The following KRT72 variants were observed in gnomAD, a reference collection of about 807,000 sequenced individuals.
KRT72 encodes the protein keratin 72, also known as keratin, type II cytoskeletal 72.
Under a neutral mutation model 44.7 loss-of-function variants are expected in KRT72, and 44 were observed. The ratio of observed to expected loss-of-function variants is 0.98; its 90% confidence interval spans 0.77 to 1.27. The LOEUF (loss-of-function observed/expected upper bound fraction) is 1.27, where lower values mean the gene tolerates loss of function less well. KRT72 is among the 50% of genes most tolerant of loss of function. The pLI is 0.00. For synonymous variants in KRT72, 302 were observed against 280.4 expected, an observed-to-expected ratio of 1.08 and a Z score of -0.77; for missense variants, 736 against 667.1, an observed-to-expected ratio of 1.10 and a Z score of -1.14.
At position 52,601,074 on chromosome 12, in the gene KRT72, C is replaced by T. The variant is rs147647260; in HGVS notation, c.379G>A (p.Glu127Lys). 2,144 of 1,612,568 alleles carry T rather than the reference C, an allele frequency of 1.3e-3. 2 individuals carry two copies. Among genetic ancestry groups the T allele is most frequent in the Non-Finnish European group, 1.6e-3 (1,854 of 1,179,538 alleles). ...EIQRVRAQER[E>K]QIKALNNKFA... is the part of the protein sequence containing the mutation. ...TTGTTGTTTAGCGCCTTGATCTGCT[C>T]CCGCTCCTGGGCGCGCACCCTCTGG... The change falls in exon 1 of 9, where the codon GAG becomes AAG. Residue 127 changes from glutamate (E) to lysine (K), a missense_variant. Glu to Lys is a moderately conservative substitution (Grantham distance 56). Transcript: ENST00000293745.
intron 2 of KRT72, among the ~76,000 whole-genome samples, chr12:52,596,297 G>A (rs545869814): frequency 1.3e-5 from 2 of 152,088 alleles, no homozygotes; most frequent in Admixed American, 1.3e-4. Flanking sequence ...ACCTAAGAAT[G>A]GAAAACACAC....
intron 6 of KRT72, among the ~76,000 whole-genome samples, chr12:52,588,419 A>G (rs939007903): frequency 6.6e-6 from 1 of 152,242 alleles, no homozygotes; most frequent in African/African-American, 2.4e-5. Flanking sequence ...CAAACACCGC[A>G]TGTTCTCACT....
chr12:52,587,542 A>C lies in KRT72; in HGVS notation c.1310+89T>G, dbSNP rs995958409. ...TGCTGTATGGTTTTACTTCAGTAGG[A>C]CCTAAACAGGACCAAACTGTTTGCC... On this transcript the variant is annotated intron_variant, in intron 7 of 8. Transcript: ENST00000293745. 2.8e-5 allele frequency: 39 copies of C among 1,370,478 alleles called. No homozygotes were observed. The Admixed American group carries it at 3.6e-4, about 13-fold the overall frequency. The allele number at this position is 1,370,478 out of a possible 1,614,324, so 84.9% of individuals were successfully genotyped here.
intron 2 of KRT72, among the ~76,000 whole-genome samples, chr12:52,597,744 A>C (rs1940269485): frequency 1.3e-5 from 2 of 152,218 alleles, no homozygotes; most frequent in Non-Finnish European, 2.9e-5. Context: ...ATTCTTTTCA[A>C]AGCTGCTAAT....
In KRT72 at chr12:52,586,001, G is replaced by A; in HGVS notation, c.1517C>T (p.Thr506Ile). ...TGTCCATCATCTGGAGGCCTTTTTG[G>A]TGGCACAGCTGCTCCCCGAGGTTTT... ...LAKTSGSSCA[T>I]KKASR is the part of the protein sequence containing the mutation. Residue 506 changes from threonine to isoleucine, a missense_variant, in exon 9 of 9, where the codon ACC becomes ATC. Coordinates refer to ENST00000293745, the MANE Select transcript of KRT72 (RefSeq NM_080747.3). 1.2e-6 allele frequency: 2 copies of A among 1,613,052 alleles called. No individual in the cohort carries two copies. Among genetic ancestry groups the A allele is most frequent in the Non-Finnish European group, 8.5e-7 (1 of 1,179,476 alleles).
intron 5 of KRT72, 122 bp from the exon 6 acceptor site, chr12:52,591,083 G>A (rs1334412182): frequency 3.1e-6 from 3 of 981,626 alleles, no homozygotes; most frequent in African/African-American, 1.6e-5. Flanking sequence ...TCTCAAACAT[G>A]AGAGCCTTGG....
intron 2 of KRT72, among the ~76,000 whole-genome samples, chr12:52,597,514 A>C (rs1940263611): frequency 6.6e-6 from 1 of 152,250 alleles, no homozygotes; most frequent in Admixed American, 6.5e-5. Flanking sequence ...CCCTTACTAC[A>C]TGCTAAACAC....
chr12:52,598,480 C>G (rs979065904), intron 2 of KRT72, among the ~76,000 whole-genome samples: 20 of 152,336 alleles, frequency 1.3e-4, no homozygotes, highest in Middle Eastern at 6.8e-3. Context: ...CAATTATTCT[C>G]TTTAAAGCCA....
At chr12:52,597,936 C>G (rs1334880608) in intron 2 of KRT72, among the ~76,000 whole-genome samples, 1 of 152,188 alleles carries the variant, frequency 6.6e-6, no homozygotes, top group Admixed American at 6.5e-5. Context: ...CTGAAAGGCC[C>G]AGAGATAGCA....
chr12:52,600,558 T>G (rs1731066746), intron 1 of KRT72, among the ~76,000 whole-genome samples: 1 of 152,208 alleles, frequency 6.6e-6, no homozygotes. Flanking sequence ...CTCCTGCTAT[T>G]CTCCTAATAG....
intron 6 of KRT72, among the ~76,000 whole-genome samples, chr12:52,588,664 C>G (rs946630842): frequency 1.2e-4 from 18 of 152,092 alleles, no homozygotes; most frequent in African/African-American, 4.1e-4. Flanking sequence ...TACATGTACC[C>G]TAGAACTTAA....
At chr12:52,595,589 T>C (rs1203832764) in intron 2 of KRT72, among the ~76,000 whole-genome samples, 4 of 152,246 alleles carry the variant, frequency 2.6e-5, no homozygotes, top group Non-Finnish European at 5.9e-5. Context: ...ATATTTTCTA[T>C]ATAAATTGAA....
chr12:52,596,975 G>T (rs1022222593), intron 2 of KRT72, among the ~76,000 whole-genome samples: 3 of 152,206 alleles, frequency 2.0e-5, no homozygotes, highest in Non-Finnish European at 4.4e-5. Context: ...AACAGGAAAA[G>T]GATCAAGGTA....
chr12:52,598,136 C>T (rs1383760697), intron 2 of KRT72, among the ~76,000 whole-genome samples: 2 of 152,358 alleles, frequency 1.3e-5, no homozygotes, highest in East Asian at 3.9e-4. Flanking sequence ...TCCTCACAAT[C>T]TGTGTGCTCT....
Position 52,587,620 on chromosome 12 carries a change from C to T in KRT72, c.1310+11G>A, listed in dbSNP as rs764480814. 7 of 1,613,646 alleles carry T rather than the reference C, an allele frequency of 4.3e-6. No individual in the cohort carries two copies. Among genetic ancestry groups the T allele is most frequent in the Non-Finnish European group, 3.4e-6 (4 of 1,179,576 alleles). On this transcript the variant is annotated intron_variant, in intron 7 of 8. Transcript: ENST00000293745. ...AAACTGGTCCCGACACAAGGGTATCCGGCCCCTCACCTGCACTCCTCGCTC... is the reference window on the plus strand; with the variant it reads ...AAACTGGTCCCGACACAAGGGTATCTGGCCCCTCACCTGCACTCCTCGCTC...
upstream of KRT72, chr12:52,601,631 A>G (rs982789589): frequency 2.9e-5 from 18 of 615,208 alleles, no homozygotes; most frequent in African/African-American, 2.3e-4. Flanking sequence ...GGAAATTACC[A>G]TGCACTCACC....
chr12:52,600,967 A>C (rs1940417488), intron 1 of KRT72, 60 bp downstream of exon 1: 2 of 1,562,878 alleles, frequency 1.3e-6, no homozygotes, highest in Non-Finnish European at 1.7e-6. Context: ...CCAGTGGCAG[A>C]GCCAGCACCA....
intron 2 of KRT72, 104 bp from the exon 3 acceptor site, chr12:52,593,056 G>T: frequency 1.0e-6 from 1 of 990,260 alleles, no homozygotes; most frequent in Non-Finnish European, 1.5e-6. Flanking sequence ...TCTTCAAACT[G>T]GGATTCCCAT....
rs375547549 is a variant in KRT72, at chr12:52,590,476, G to A, written c.1089+360C>T. On this transcript the variant is annotated intron_variant, in intron 6 of 8. Transcript: ENST00000293745. ...CCCTGCTCCCTGCCACCCCTGCTGA[G>A]CAGCGAGCTGCCTGCCCCAGATAGG... Among the ~76,000 whole-genome samples, 39 of 152,316 alleles carry A rather than the reference G, an allele frequency of 2.6e-4. No homozygotes were observed. The East Asian group carries it at 5.8e-3, about 23-fold the overall frequency.
Sources: allele counts gnomAD v4.1 joint callset (sites outside exome capture counted in the v4.1 genomes callset), GRCh38; gene constraint gnomAD v4.1.1; transcripts MANE v1.5; gene names NCBI Gene and HGNC (gene_info 2026-07-23, HGNC 2026-07-21).